The following HLA-DQA2 variants were observed in gnomAD, a reference collection of about 807,000 sequenced individuals.
HLA-DQA2 encodes HLA class II histocompatibility antigen, DQ alpha 2 chain.
In HLA-DQA2, 17 loss-of-function variants were observed where a neutral mutation model predicts 21.0. The observed-to-expected ratio is 0.81, with a 90% CI of 0.56 to 1.22. The LOEUF (loss-of-function observed/expected upper bound fraction) is 1.22. Ranked by LOEUF, HLA-DQA2 falls within the 50% of genes most tolerant of loss-of-function variation. The pLI, the probability that HLA-DQA2 is intolerant of heterozygous loss-of-function variation, is 0.00. For synonymous variants in HLA-DQA2, 81 were observed against 116.5 expected (o/e 0.70, Z 1.96); for missense variants, 239 against 308.8 (o/e 0.77, Z 1.69).
At chr6:32,742,749 A>G (rs933605019) in intron 1 of HLA-DQA2, among the ~76,000 whole-genome samples, 2 of 152,020 alleles carry the variant, frequency 1.3e-5, no homozygotes, top group African/African-American at 2.4e-5. Flanking sequence ...CGACTTATCC[A>G]TTAGGAACAG....
At position 32,745,509 on chromosome 6, in the gene HLA-DQA2, G is replaced by A. The variant is rs566889713; in HGVS notation, c.331+102G>A. On this transcript the variant is annotated intron_variant, in intron 2 of 4. Transcript: ENST00000374940. ...ATTTCCAGATCTTCTCATGGTAATT[G>A]CTGAAATTTTATCATCTCCCATCTC... 1.8e-5 allele frequency: 23 copies of A among 1,301,474 alleles called. No individual in the cohort carries two copies. The East Asian group carries it at 4.9e-4, about 28-fold the overall frequency. The allele number at this position is 1,301,474 out of a possible 1,614,324, so 80.6% of individuals were successfully genotyped here.
At position 32,746,659 on chromosome 6, in the gene HLA-DQA2, T is replaced by G; in HGVS notation, c.*98T>G. 1.7e-6 allele frequency: 1 copy of G among 592,218 alleles called. No homozygotes were observed. The highest frequency in any genetic ancestry group is 3.1e-6 in the Non-Finnish European group (1 of 322,712). 36.7% of individuals were successfully genotyped at this position (592,218 alleles called of 1,614,324 possible). On this transcript the variant is annotated 3_prime_UTR_variant, in exon 5 of 5. Transcript: ENST00000374940. ...CTATTCTCTGGCCTGATTTATCATA[T>G]CCCTTTTCTCCTCCAAATGTTTCTT... is the stretch of plus-strand genomic sequence containing the variant.
intron 1 of HLA-DQA2, 124 bp downstream of exon 1, chr6:32,741,649 T>G (rs1202139182): frequency 5.3e-6 from 5 of 942,024 alleles, no homozygotes; most frequent in Non-Finnish European, 8.3e-6. Flanking sequence ...TTAAGAAATT[T>G]TAAAATTATG....
intron 1 of HLA-DQA2, among the ~76,000 whole-genome samples, chr6:32,742,617 A>G (rs965863262): frequency 4.3e-3 from 587 of 136,794 alleles, no homozygotes; most frequent in South Asian, 0.011. Flanking sequence ...CTTATTAACC[A>G]TGGCTGCTCC....
chr6:32,745,618 G>A, intron 2 of HLA-DQA2, among the ~76,000 whole-genome samples, 173 bp from the exon 3 acceptor site: 1 of 143,678 alleles, frequency 7.0e-6, no homozygotes, highest in Non-Finnish European at 1.5e-5. Context: ...ACAGAGAGAA[G>A]GGCACAGGAA....
Position 32,746,257 on chromosome 6 carries a change from C to G in HLA-DQA2, c.631C>G (p.Pro211Ala). The change falls in exon 4 of 5, where the codon CCT becomes GCT. Residue 211 changes from proline (P) to alanine (A), a missense_variant. Pro to Ala is a conservative substitution (Grantham distance 27, BLOSUM62 -1). Transcript: ENST00000374940. ...TTTCACAGAGCCTGAGATTCCAGCC[C>G]CTATGTCAGAGCTCACAGAGACTTT... ...LKHWEPEIPA[P>A]MSELTETLVC... 3 of 1,613,072 alleles carry G rather than the reference C, an allele frequency of 1.9e-6. No individual in the cohort carries two copies. Among genetic ancestry groups the G allele is most frequent in the Non-Finnish European group, 2.5e-6 (3 of 1,180,036 alleles).
At chr6:32,744,427 G>GAAA (rs9282267) in intron 1 of HLA-DQA2, among the ~76,000 whole-genome samples, 39,246 of 147,534 alleles carry the variant, frequency 0.27, 5,395 homozygotes, top group East Asian at 0.41. Flanking sequence ...TCCTTCAGAG[G>GAAA]AAAAAAAAAA....
Position 32,746,585 on chromosome 6 carries a change from C to T in HLA-DQA2, c.*24C>T. ...TCTCATGTCTGTCCTGTTGCAGGTG[C>T]ATCACCATCTACAGGAGAAGAAGAA... On this transcript the variant is annotated 3_prime_UTR_variant, in exon 5 of 5. Transcript: ENST00000374940. 1.3e-6 allele frequency: 1 copy of T among 755,334 alleles called. No individual in the cohort carries two copies. The highest frequency in any genetic ancestry group is 2.3e-6 in the Non-Finnish European group (1 of 430,008). The allele number at this position is 755,334 out of a possible 1,614,324, so 46.8% of individuals were successfully genotyped here. A position where few individuals can be genotyped will look rare whatever the true frequency, so the allele number is the denominator to read the frequency against.
intron 1 of HLA-DQA2, among the ~76,000 whole-genome samples, chr6:32,742,457 A>T (rs1039975406): frequency 6.6e-6 from 1 of 152,136 alleles, no homozygotes; most frequent in Non-Finnish European, 1.5e-5. Context: ...ACCTCTCTTC[A>T]TGCATCCCTT....
At position 32,745,244 on chromosome 6, in the gene HLA-DQA2, G is replaced by T; in HGVS notation, c.168G>T (p.Glu56Asp). The change falls in exon 2 of 5, where the codon GAG becomes GAT. Residue 56 changes from glutamate to aspartate, a missense_variant. By Grantham distance (45) the Glu-to-Asp change is conservative (BLOSUM62 2). Coordinates refer to ENST00000374940, the MANE Select transcript of HLA-DQA2 (RefSeq NM_020056.5). ...GQYTHEFDGDEEFYVDLETKE... is the reference protein window; with the variant it reads ...GQYTHEFDGDDEFYVDLETKE... ...ACACCCATGAATTTGATGGAGACGA[G>T]GAGTTCTATGTGGACCTGGAGACGA... is the stretch of plus-strand genomic sequence containing the variant. 4 of 1,614,092 alleles carry T rather than the reference G, an allele frequency of 2.5e-6. No individual in the cohort carries two copies. The highest frequency in any genetic ancestry group is 1.3e-5 in the African/African-American group (1 of 75,022).
At position 32,746,356 on chromosome 6, in the gene HLA-DQA2, C is replaced by T. The variant is rs371768133; in HGVS notation, c.730C>T (p.Arg244Cys). The part of the protein sequence containing the change: ...VGTVFIIQGL[R>C]SVGASRHQGL... ...CACTGTCTTCATCATCCAAGGCCTG[C>T]GTTCAGTTGGTGCTTCCAGACACCA... The change falls in exon 4 of 5, where the codon CGT becomes TGT. Residue 244 changes from arginine to cysteine, a missense_variant. By Grantham distance (180) the Arg-to-Cys change is radical. Coordinates refer to ENST00000374940, the MANE Select transcript of HLA-DQA2 (RefSeq NM_020056.5). 4.3e-5 allele frequency: 70 copies of T among 1,612,980 alleles called. No homozygotes were observed. Among genetic ancestry groups the T allele is most frequent in the Non-Finnish European group, 5.7e-5 (67 of 1,180,050 alleles).
In HLA-DQA2 at chr6:32,746,636, A is replaced by G. The variant is rs1763618903; in HGVS notation, c.*75A>G. 1.4e-6 allele frequency: 1 copy of G among 701,240 alleles called. No individual in the cohort carries two copies. Among genetic ancestry groups the G allele is most frequent in the African/African-American group, 1.7e-5 (1 of 57,348 alleles). 43.4% of individuals were successfully genotyped at this position (701,240 alleles called of 1,614,324 possible). On this transcript the variant is annotated 3_prime_UTR_variant, in exon 5 of 5. Transcript: ENST00000374940. ...TGGACTTGCTAAATGACCTAGCACT[A>G]TTCTCTGGCCTGATTTATCATATCC...
chr6:32,746,113 G>T, intron 3 of HLA-DQA2, 41 bp downstream of exon 3: 1 of 1,611,998 alleles, frequency 6.2e-7, no homozygotes, highest in Non-Finnish European at 8.5e-7. Flanking sequence ...TCTAATAATA[G>T]ACTTCACTCT....
intron 1 of HLA-DQA2, among the ~76,000 whole-genome samples, chr6:32,742,072 A>T (rs951440977): frequency 7.2e-5 from 11 of 152,198 alleles, no homozygotes; most frequent in Non-Finnish European, 1.5e-4. Context: ...TGCCTTCAAC[A>T]ATCATTTTAC....
chr6:32,745,444 T>C, intron 2 of HLA-DQA2, 37 bp downstream of exon 2: 1 of 1,590,136 alleles, frequency 6.3e-7, no homozygotes, highest in East Asian at 2.3e-5. Context: ...TTACTGAAAC[T>C]AATCTTTCAT....
chr6:32,743,252 G>T (rs1246552905), intron 1 of HLA-DQA2, among the ~76,000 whole-genome samples: 1 of 152,108 alleles, frequency 6.6e-6, no homozygotes, highest in Admixed American at 6.5e-5. Context: ...GGAGGAAGGC[G>T]CCCACAAAAG....
In HLA-DQA2 at chr6:32,745,093, C is replaced by G. The variant is rs1763468341; in HGVS notation, c.83-66C>G. The G allele has an allele frequency of 3.3e-6, 5 of 1,535,340 alleles. No individual in the cohort carries two copies. The East Asian group carries it at 1.1e-4, about 35-fold the overall frequency. ...ATATTTGAAAGTGAGTTTCTTCAAT[C>G]ACTTTCTGTATTAAGGTTCTTTCTC... On this transcript the variant is annotated intron_variant, in intron 1 of 4. Coordinates refer to ENST00000374940, the MANE Select transcript of HLA-DQA2 (RefSeq NM_020056.5).
In HLA-DQA2 at chr6:32,745,404, A is replaced by G. The variant is rs148573253; in HGVS notation, c.328A>G (p.Asn110Asp). 1,069 of 1,611,218 alleles carry G rather than the reference A, an allele frequency of 6.6e-4. 1 individual carries two copies. The highest frequency in any genetic ancestry group is 8.5e-4 in the Non-Finnish European group (1,000 of 1,179,208). The change falls in exon 2 of 5, where the codon AAT (asparagine) becomes GAT (aspartate). Residue 110 changes from asparagine to aspartate, a missense_variant. Transcript: ENST00000374940. ...MRQSNSTAAT[N>D]EVPEVTVFSK... ...ACAGTCCAACTCTACCGCTGCCACC[A>G]ATGGTACGTGTCCACCATTCCGCCT...
Position 32,746,677 on chromosome 6 carries a change from T to C in HLA-DQA2, c.*116T>C. 1 of 667,236 alleles carries C rather than the reference T, an allele frequency of 1.5e-6. No homozygotes were observed. The highest frequency in any genetic ancestry group is 2.8e-6 in the Non-Finnish European group (1 of 363,582). The allele number at this position is 667,236 out of a possible 1,614,324, so 41.3% of individuals were successfully genotyped here. Reference sequence around the variant, plus strand: ...TATCATATCCCTTTTCTCCTCCAAATGTTTCTTCTCTCACCTCTTCTCTGG... The same window carrying C: ...TATCATATCCCTTTTCTCCTCCAAACGTTTCTTCTCTCACCTCTTCTCTGG... On this transcript the variant is annotated 3_prime_UTR_variant, in exon 5 of 5. Transcript: ENST00000374940.
Sources: gnomAD v4.1 joint callset for allele counts (sites outside exome capture counted in the v4.1 genomes callset) on GRCh38, gnomAD v4.1.1 for gene constraint, MANE v1.5 for transcripts, NCBI Gene and HGNC (gene_info 2026-07-23, HGNC 2026-07-21) for gene names.